Variants in RTN4RL1 observed in about 807,000 individuals in gnomAD.
RTN4RL1 encodes the protein reticulon-4 receptor-like 1.
A neutral mutation model predicts 25.6 loss-of-function variants in RTN4RL1; 7 were observed. The observed-to-expected ratio is 0.27, with a 90% CI of 0.16 to 0.51. RTN4RL1 has a LOEUF of 0.51. RTN4RL1 is among the 20% of genes least tolerant of loss of function. The pLI is 0.97. For synonymous variants in RTN4RL1, 297 were observed against 288.2 expected (o/e 1.03, Z -0.31); for missense variants, 500 against 615.6 (o/e 0.81, Z 1.99).
At chr17:1,976,453 T>A (rs934245426) in intron 1 of RTN4RL1, among the ~76,000 whole-genome samples, 2 of 152,200 alleles carry the variant, frequency 1.3e-5, no homozygotes, top group African/African-American at 4.8e-5. Flanking sequence ...TGCATGAGGT[T>A]GAGGGAGTTA....
At chr17:1,939,621 A>G (rs1915399580) in intron 1 of RTN4RL1, among the ~76,000 whole-genome samples, 1 of 152,090 alleles carries the variant, frequency 6.6e-6, no homozygotes, top group South Asian at 2.1e-4. Context: ...GCTTCCCTCT[A>G]ATTGGGCATT....
Position 1,975,662 on chromosome 17 carries a change from AGAAAG to A in RTN4RL1, c.14-37859_14-37855del, listed in dbSNP as rs376054910. The stretch of plus-strand genomic sequence containing the variant: ...TGAGACTTTGACTCAAAAAAGAAAA[AGAAAG>A]GAAAAGAAAAATAGAAAGCTTTGGT... On this transcript the variant is annotated intron_variant, in intron 1 of 1. Coordinates refer to ENST00000331238, the MANE Select transcript of RTN4RL1 (RefSeq NM_178568.4). Among the ~76,000 whole-genome samples, 725 of 152,282 alleles carry A rather than the reference AGAAAG, an allele frequency of 4.8e-3. 6 individuals are homozygous for A. The highest frequency in any genetic ancestry group is 0.016 in the African/African-American group (679 of 41,554).
chr17:2,011,834 G>A (rs1008703674), intron 1 of RTN4RL1, among the ~76,000 whole-genome samples: 1 of 152,182 alleles, frequency 6.6e-6, no homozygotes, highest in African/African-American at 2.4e-5. Context: ...CGAGTCACGT[G>A]TGAGTGGTAA....
chr17:1,943,351 A>G (rs1915478158), intron 1 of RTN4RL1, among the ~76,000 whole-genome samples: 1 of 152,186 alleles, frequency 6.6e-6, no homozygotes, highest in South Asian at 2.1e-4. Flanking sequence ...GTTGGCCCTC[A>G]TAGGCCCCAG....
chr17:2,021,854 CTTTTTTTTT>C (rs869227846), intron 1 of RTN4RL1, among the ~76,000 whole-genome samples: 3 of 88,352 alleles, frequency 3.4e-5, no homozygotes, highest in Admixed American at 2.7e-4. Flanking sequence ...TGTGCCCGGT[CTTTTTTTTT>C]TTTTTTTTTT....
intron 1 of RTN4RL1, among the ~76,000 whole-genome samples, chr17:1,990,025 A>G (rs187454110): frequency 5.9e-5 from 9 of 152,322 alleles, no homozygotes; most frequent in African/African-American, 1.9e-4. Flanking sequence ...GCTTAATGCC[A>G]CAGAACTGTA....
At chr17:2,016,716 G>A (rs1308330957) in intron 1 of RTN4RL1, among the ~76,000 whole-genome samples, 3 of 152,182 alleles carry the variant, frequency 2.0e-5, no homozygotes, top group South Asian at 2.1e-4. Context: ...AGGCGGGCAG[G>A]CGGGAGGCCG....
chr17:1,938,179 C>T (rs1915354559), intron 1 of RTN4RL1, among the ~76,000 whole-genome samples: 1 of 152,238 alleles, frequency 6.6e-6, no homozygotes, highest in South Asian at 2.1e-4. Context: ...TGCTCTCCTC[C>T]TAGCTGTGCC....
chr17:1,953,539 A>G (rs1389749484), intron 1 of RTN4RL1, among the ~76,000 whole-genome samples: 1 of 150,588 alleles, frequency 6.6e-6, no homozygotes, highest in African/African-American at 2.4e-5. Flanking sequence ...GTTCCCTAGA[A>G]CTCAAAGTAT....
At chr17:1,986,464 T>C (rs1221465747) in intron 1 of RTN4RL1, among the ~76,000 whole-genome samples, 2 of 151,986 alleles carry the variant, frequency 1.3e-5, no homozygotes, top group Non-Finnish European at 2.9e-5. Context: ...AAGTTAAAGA[T>C]CTTGAGATAA....
intron 1 of RTN4RL1, among the ~76,000 whole-genome samples, chr17:1,957,522 C>T (rs1229026701): frequency 6.6e-6 from 1 of 152,174 alleles, no homozygotes; most frequent in Non-Finnish European, 1.5e-5. Flanking sequence ...TCATTTTACA[C>T]TTGAGAAAAA....
At chr17:1,979,448 G>C (rs1003418134) in intron 1 of RTN4RL1, among the ~76,000 whole-genome samples, 2 of 152,100 alleles carry the variant, frequency 1.3e-5, no homozygotes, top group Non-Finnish European at 2.9e-5. Context: ...CTGCACTCCA[G>C]CCTGGGTGAC....
intron 1 of RTN4RL1, chr17:2,003,157 G>A (rs949090237): frequency 2.0e-5 from 3 of 152,268 alleles, no homozygotes; most frequent in African/African-American, 7.2e-5. Flanking sequence ...CCCAGGGATT[G>A]GATCTGCCTG....
intron 1 of RTN4RL1, 109 bp downstream of exon 1, chr17:2,024,744 G>A: frequency 8.8e-7 from 1 of 1,140,038 alleles, no homozygotes; most frequent in Non-Finnish European, 1.2e-6. Context: ...CCACCAGCCC[G>A]CCGGGGGCTA....
At chr17:1,946,638 ATC>A (rs1023029504) in intron 1 of RTN4RL1, among the ~76,000 whole-genome samples, 2 of 121,204 alleles carry the variant, frequency 1.7e-5, no homozygotes, top group African/African-American at 6.6e-5. Flanking sequence ...GTGTCTGTGC[ATC>A]TCTGTGTGAA....
intron 1 of RTN4RL1, among the ~76,000 whole-genome samples, chr17:2,002,464 T>C (rs1443391813): frequency 9.3e-5 from 14 of 149,888 alleles, no homozygotes; most frequent in Admixed American, 2.0e-4. Flanking sequence ...GGCTAATTTT[T>C]TGTATTTTTA....
chr17:1,991,531 C>T (rs1441293928), intron 1 of RTN4RL1, among the ~76,000 whole-genome samples: 1 of 151,442 alleles, frequency 6.6e-6, no homozygotes, highest in Non-Finnish European at 1.5e-5. Flanking sequence ...CTCTCCCAGA[C>T]CTCCAGGCCC....
At chr17:1,970,080 G>A (rs2066811752) in intron 1 of RTN4RL1, among the ~76,000 whole-genome samples, 1 of 149,560 alleles carries the variant, frequency 6.7e-6, no homozygotes, top group Non-Finnish European at 1.5e-5. Flanking sequence ...GGAGTGCAAT[G>A]GCGCAATCTC....
intron 1 of RTN4RL1, among the ~76,000 whole-genome samples, chr17:1,956,252 C>T (rs1045180181): frequency 6.6e-6 from 1 of 152,168 alleles, no homozygotes; most frequent in Non-Finnish European, 1.5e-5. Context: ...AACAGGCACT[C>T]GTCAAACACC....
Sources: allele counts gnomAD v4.1 joint callset (sites outside exome capture counted in the v4.1 genomes callset), GRCh38; gene constraint gnomAD v4.1.1; transcripts MANE v1.5; gene names NCBI Gene and HGNC (gene_info 2026-07-23, HGNC 2026-07-21).